The following C10orf71 variants were observed in gnomAD, a reference collection of about 807,000 sequenced individuals.
C10orf71 encodes the protein chromosome 10 open reading frame 71, also known as cardiac-enriched FHL2-interacting protein.
For synonymous variants in C10orf71, 758 were observed against 726.3 expected (o/e 1.04, Z -0.70); for missense variants, 1,869 against 1,804.5 (o/e 1.04, Z -0.65).
intron 2 of C10orf71, among the ~76,000 whole-genome samples, chr10:49,321,614 G>A (rs1418846697): frequency 6.6e-6 from 1 of 152,144 alleles, no homozygotes; most frequent in African/African-American, 2.4e-5. Context: ...TTAATTTTTT[G>A]AAGAATCTTT....
chr10:49,304,110 C>T (rs1848773116), intron 1 of C10orf71, among the ~76,000 whole-genome samples: 1 of 152,234 alleles, frequency 6.6e-6, no homozygotes, highest in South Asian at 2.1e-4. Context: ...CCTACACATG[C>T]CTCCTCTAGC....
At position 49,323,034 on chromosome 10, in the gene C10orf71, T is replaced by C; in HGVS notation, c.489T>C (p.Thr163=). The C allele has an allele frequency of 6.2e-7, 1 of 1,613,984 alleles. No homozygotes were observed. The highest frequency in any genetic ancestry group is 8.5e-7 in the Non-Finnish European group (1 of 1,179,884). Residue 163 remains threonine, a synonymous_variant, in exon 3 of 3, where the codon ACT becomes ACC. Coordinates refer to ENST00000374144, the MANE Select transcript of C10orf71 (RefSeq NM_001135196.2). ...GCCAACGTTGTGAGAGCAGGCCCAC[T>C]GCCAGCAAGCCTCCGGCTCTGAAAA... The part of the protein sequence containing the change: ...TESQRCESRP[T]ASKPPALKNP...
At chr10:49,304,867 G>T (rs191491954) in intron 1 of C10orf71, among the ~76,000 whole-genome samples, 3 of 152,366 alleles carry the variant, frequency 2.0e-5, no homozygotes, top group African/African-American at 7.2e-5. Flanking sequence ...CTGGTCATAG[G>T]TTACAGTTGT....
At chr10:49,305,484 A>G (rs1423855587) in intron 1 of C10orf71, among the ~76,000 whole-genome samples, 2 of 152,224 alleles carry the variant, frequency 1.3e-5, no homozygotes, top group Admixed American at 6.5e-5. Flanking sequence ...TAATAATACT[A>G]GGTTATAAAG....
Position 49,326,588 on chromosome 10 carries a change from C to T in C10orf71, c.4043C>T (p.Pro1348Leu), listed in dbSNP as rs866510657. The change falls in exon 3 of 3, where the codon CCG becomes CTG. Residue 1348 changes from proline to leucine, a missense_variant. Physicochemically the swap from Pro to Leu is moderately conservative, Grantham distance 98. Coordinates refer to ENST00000374144, the MANE Select transcript of C10orf71 (RefSeq NM_001135196.2). ...CCAGTGCCCGTGACGGCCTTGATGC[C>T]GCTGCGCTGCTCCTCTCAGCTCTCC... ...FQPVPVTALMPLRCSSQLSAP... is the reference protein window; with the variant it reads ...FQPVPVTALMLLRCSSQLSAP... 1.3e-6 allele frequency: 2 copies of T among 1,550,380 alleles called. No homozygotes were observed. Among genetic ancestry groups the T allele is most frequent in the Non-Finnish European group, 1.7e-6 (2 of 1,146,848 alleles).
intron 1 of C10orf71, among the ~76,000 whole-genome samples, chr10:49,315,024 A>G (rs1848975753): frequency 6.6e-6 from 1 of 152,216 alleles, no homozygotes; most frequent in Admixed American, 6.5e-5. Context: ...CATATGGGTC[A>G]CGATGTATGA....
At chr10:49,306,411 C>T (rs1194684790) in intron 1 of C10orf71, among the ~76,000 whole-genome samples, 2 of 152,246 alleles carry the variant, frequency 1.3e-5, no homozygotes, top group Non-Finnish European at 2.9e-5. Flanking sequence ...CACTTTAGAG[C>T]TGGGTCTCCG....
At chr10:49,317,285 C>T (rs1158208561) in intron 2 of C10orf71, among the ~76,000 whole-genome samples, 1 of 152,184 alleles carries the variant, frequency 6.6e-6, no homozygotes, top group African/African-American at 2.4e-5. Context: ...GCCGTGGGCT[C>T]ATGGCTTAGC....
intron 2 of C10orf71, among the ~76,000 whole-genome samples, chr10:49,317,764 T>C (rs776091502): frequency 1.1e-4 from 17 of 152,158 alleles, no homozygotes; most frequent in Non-Finnish European, 2.4e-4. Flanking sequence ...GGTGGGAAGA[T>C]CACTTGAGTC....
rs756936304 is a variant in C10orf71, at chr10:49,324,461, A to T, written c.1916A>T (p.His639Leu). The change falls in exon 3 of 3, where the codon CAC becomes CTC. Residue 639 changes from histidine to leucine, a missense_variant. Transcript: ENST00000374144. ...GSSWCPDSRE[H>L]RPRKHLSLRL... The stretch of plus-strand genomic sequence containing the variant: ...AGCTGGTGTCCAGACTCCAGGGAAC[A>T]CCGCCCCAGGAAACACCTCTCCCTG... The T allele has an allele frequency of 6.2e-6, 10 of 1,607,262 alleles. No homozygotes were observed. In the East Asian group the frequency reaches 2.2e-4, roughly 36 times the overall value.
intron 1 of C10orf71, among the ~76,000 whole-genome samples, chr10:49,304,650 GC>G: frequency 6.6e-6 from 1 of 152,200 alleles, no homozygotes; most frequent in East Asian, 1.9e-4. Flanking sequence ...CAGGAGTCCT[GC>G]CTGAACCTCC....
chr10:49,322,499 C>CAG lies in C10orf71; in HGVS notation c.-43_-42dup. On this transcript the variant is annotated 5_prime_UTR_variant, in exon 3 of 3. Transcript: ENST00000374144. The stretch of plus-strand genomic sequence containing the variant: ...CACCTAACCTTGACAGAATCATCAC[C>CAG]AGAGACACCTGCCGGCTGACAAGGA... 3 of 1,531,928 alleles carry CAG rather than the reference C, an allele frequency of 2.0e-6. No individual in the cohort carries two copies. The highest frequency in any genetic ancestry group is 2.6e-6 in the Non-Finnish European group (3 of 1,135,816). 94.9% of individuals were successfully genotyped at this position (1,531,928 alleles called of 1,614,324 possible).
chr10:49,324,033 C>T lies in C10orf71; in HGVS notation c.1488C>T (p.Ala496=), dbSNP rs1157197895. The change falls in exon 3 of 3, where the codon GCC becomes GCT. Residue 496 remains alanine (A), a synonymous_variant. Coordinates refer to ENST00000374144, the MANE Select transcript of C10orf71 (RefSeq NM_001135196.2). The part of the protein sequence containing the change: ...CQSRDSYKSK[A]PSLLFNLKDV... ...CTCGAGACAGCTACAAGTCCAAAGC[C>T]CCTAGCCTGCTGTTCAACCTCAAGG... 23 of 1,613,658 alleles carry T rather than the reference C, an allele frequency of 1.4e-5. No individual in the cohort carries two copies. The highest frequency in any genetic ancestry group is 1.8e-5 in the Non-Finnish European group (21 of 1,179,786).
intron 2 of C10orf71, among the ~76,000 whole-genome samples, chr10:49,319,161 T>C (rs1279429908): frequency 1.3e-5 from 2 of 152,198 alleles, no homozygotes; most frequent in Non-Finnish European, 2.9e-5. Flanking sequence ...TGCTATTTTA[T>C]GTAACTTTTT....
chr10:49,313,607 G>A (rs113189909), intron 1 of C10orf71, among the ~76,000 whole-genome samples: 41 of 152,304 alleles, frequency 2.7e-4, no homozygotes, highest in East Asian at 7.7e-4. Flanking sequence ...CACAATGACC[G>A]TGGAGATGGA....
chr10:49,300,685 G>A (rs1848713921), intron 1 of C10orf71, among the ~76,000 whole-genome samples: 1 of 152,142 alleles, frequency 6.6e-6, no homozygotes, highest in Admixed American at 6.5e-5. Flanking sequence ...ATGTGGCCTG[G>A]GCTGAGCAGG....
chr10:49,317,220 G>T (rs566606135), intron 2 of C10orf71, among the ~76,000 whole-genome samples: 1 of 152,110 alleles, frequency 6.6e-6, no homozygotes, highest in African/African-American at 2.4e-5. Context: ...AGCCACTCAG[G>T]TTCCATCAAA....
At chr10:49,310,473 G>A (rs777323564) in intron 1 of C10orf71, among the ~76,000 whole-genome samples, 3 of 152,134 alleles carry the variant, frequency 2.0e-5, no homozygotes, top group Non-Finnish European at 2.9e-5. Context: ...GTGAGCCCAG[G>A]CTGACTCGTC....
At chr10:49,308,890 T>C (rs951980219) in intron 1 of C10orf71, among the ~76,000 whole-genome samples, 3 of 152,156 alleles carry the variant, frequency 2.0e-5, no homozygotes, top group African/African-American at 7.2e-5. Context: ...TGGGAGATGC[T>C]GAGGAGGCAT....
Sources: allele counts gnomAD v4.1 joint callset (sites outside exome capture counted in the v4.1 genomes callset), GRCh38; gene constraint gnomAD v4.1.1; transcripts MANE v1.5; gene names NCBI Gene and HGNC (gene_info 2026-07-23, HGNC 2026-07-21).